Variants in F12 observed in about 807,000 individuals in gnomAD.
F12 encodes the protein coagulation factor XII.
Under a neutral mutation model 74.8 loss-of-function variants are expected in F12, and 70 were observed. That is an observed-to-expected ratio of 0.94 (90% CI 0.77 to 1.14). F12 has a LOEUF of 1.14. Among genes scored for constraint, F12 ranks in the 50% most tolerant of loss-of-function variants. F12 has a pLI of 0.00. For synonymous variants in F12, 373 were observed against 356.4 expected (o/e 1.05, Z -0.52); for missense variants, 811 against 835.7 (o/e 0.97, Z 0.36).
At position 177,407,844 on chromosome 5, in the gene F12, G is replaced by A. The variant is rs569294486; in HGVS notation, c.115+1202C>T. Among the ~76,000 whole-genome samples the A allele has an allele frequency of 2.0e-5, 3 of 152,144 alleles. No individual in the cohort carries two copies. In the South Asian group the frequency reaches 6.2e-4, roughly 32 times the overall value. On this transcript the variant is annotated intron_variant, in intron 2 of 13. Coordinates refer to ENST00000253496, the MANE Select transcript of F12 (RefSeq NM_000505.4). ...CAGAGAGGAGGGGGACCTTAGGCAG[G>A]GGATTAGGCAAGGATAGGGCACCAA...
rs1763239627 is a variant in F12 at position 177,404,645 on chromosome 5, A to G, written c.654T>C (p.Tyr218=). 3 of 1,606,536 alleles carry G rather than the reference A, an allele frequency of 1.9e-6. No individual in the cohort carries two copies. The highest frequency in any genetic ancestry group is 2.5e-6 in the Non-Finnish European group (3 of 1,179,802). Residue 218 remains tyrosine, a synonymous_variant, in exon 8 of 14, where the codon TAT becomes TAC. Coordinates refer to ENST00000253496, the MANE Select transcript of F12 (RefSeq NM_000505.4). ...CGCGGTAGCTGAGCCCGCGGCCATC[A>G]TAGCAGCTTGCCTTGGTGTCTGAGG... ...FCDVDTKASC[Y]DGRGLSYRGL...
In F12 at chr5:177,402,609, A is replaced by C. The variant is rs752613141; in HGVS notation, c.1621T>G (p.Ser541Ala). 6.2e-7 allele frequency: 1 copy of C among 1,613,172 alleles called. No individual in the cohort carries two copies. The highest frequency in any genetic ancestry group is 8.5e-7 in the Non-Finnish European group (1 of 1,179,966). Residue 541 changes from serine to alanine, a missense_variant, in exon 13 of 14, where the codon TCC (serine) becomes GCC (alanine). Physicochemically the swap from Ser to Ala is moderately conservative, Grantham distance 99. Transcript: ENST00000253496. Reference protein sequence around the residue: ...RCSAPDVHGSSILPGMLCAGF... With the variant: ...RCSAPDVHGSAILPGMLCAGF... ...GCGCAGAGCATGCCGGGGAGGATGG[A>C]GGATCCGTGCACGTCCGGGGCTGAG...
intron 12 of F12, 138 bp from the exon 13 acceptor site, chr5:177,402,836 C>T (rs2127358945): frequency 8.8e-6 from 11 of 1,246,120 alleles, no homozygotes; most frequent in Middle Eastern, 2.6e-4. Context: ...GAGGAGGTGC[C>T]ATTAATTCAA....
intron 6 of F12, 29 bp from the exon 7 acceptor site, chr5:177,404,943 CT>C: frequency 6.3e-7 from 1 of 1,588,114 alleles, no homozygotes; most frequent in Non-Finnish European, 8.5e-7. Context: ...TGAGCCACCC[CT>C]GGGCCTAAAG....
Position 177,405,224 on chromosome 5 carries a change from G to A in F12, c.398-39C>T, listed in dbSNP as rs776217044. ...GGGATAGTGGTCTCAGGAGAGTCTA[G>A]GACCATGCCAAGTCTCCGAGTATCC... On this transcript the variant is annotated intron_variant, in intron 5 of 13. Coordinates refer to ENST00000253496, the MANE Select transcript of F12 (RefSeq NM_000505.4). 29 of 1,613,308 alleles carry A rather than the reference G, an allele frequency of 1.8e-5. No homozygotes were observed. The South Asian group carries it at 2.7e-4, about 15-fold the overall frequency.
At chr5:177,406,214 C>T (rs558830363) in intron 2 of F12, among the ~76,000 whole-genome samples, 153 bp from the exon 3 acceptor site, 11 of 152,312 alleles carry the variant, frequency 7.2e-5, no homozygotes, top group African/African-American at 9.6e-5. Context: ...CAGGGCCGGG[C>T]GCGGTGGCTC....
intron 2 of F12, among the ~76,000 whole-genome samples, chr5:177,407,402 C>T (rs1043011406): frequency 6.6e-6 from 1 of 152,302 alleles, no homozygotes; most frequent in Admixed American, 6.5e-5. Flanking sequence ...AAGCTTTTGC[C>T]ACTATTTTGT....
intron 3 of F12, 76 bp from the exon 4 acceptor site, chr5:177,405,881 C>T (rs1246720800): frequency 1.2e-6 from 2 of 1,601,364 alleles, no homozygotes; most frequent in Non-Finnish European, 1.7e-6. Flanking sequence ...CCCCTCTCTC[C>T]AAGCAGAGTT....
In F12 at chr5:177,404,200, C is replaced by T; in HGVS notation, c.1014G>A (p.Pro338=). 3.1e-6 allele frequency: 5 copies of T among 1,603,172 alleles called. No individual in the cohort carries two copies. The highest frequency in any genetic ancestry group is 1.7e-5 in the Admixed American group (1 of 58,896). The change falls in exon 9 of 14, where the codon CCG becomes CCA. Residue 338 remains proline (P), a synonymous_variant. Coordinates refer to ENST00000253496, the MANE Select transcript of F12 (RefSeq NM_000505.4). ...TTRTPPQSQT[P]GALPAKREQP... ...TTCCCCCCCCCACTTCCTAACCTCCCGGGGTCTGGGACTGAGGCGGGGTCC... is the reference window on the plus strand; with the variant it reads ...TTCCCCCCCCCACTTCCTAACCTCCTGGGGTCTGGGACTGAGGCGGGGTCC...
At chr5:177,402,874 G>A (rs890551577) in intron 12 of F12, 176 bp from the exon 13 acceptor site, 2 of 912,052 alleles carry the variant, frequency 2.2e-6, no homozygotes, top group Non-Finnish European at 3.4e-6. Context: ...CTGAGGTCCA[G>A]AGAAAAGCCA....
At chr5:177,408,373 G>A (rs773440378) in intron 2 of F12, among the ~76,000 whole-genome samples, 5 of 152,148 alleles carry the variant, frequency 3.3e-5, no homozygotes, top group South Asian at 2.1e-4. Flanking sequence ...TTTAGTGTCT[G>A]GAAGAATGAA....
At chr5:177,409,205 A>G in intron 1 of F12, 102 bp from the exon 2 acceptor site, 1 of 1,297,446 alleles carries the variant, frequency 7.7e-7, no homozygotes, top group South Asian at 1.3e-5. Context: ...AAATGCAGAG[A>G]TTTCTTCCCA....
chr5:177,405,141 C>A lies in F12; in HGVS notation c.442G>T (p.Glu148Ter), dbSNP rs761290517. The A allele has an allele frequency of 2.5e-5, 40 of 1,613,972 alleles. No individual in the cohort carries two copies. The highest frequency in any genetic ancestry group is 3.3e-5 in the Non-Finnish European group (39 of 1,180,030). Residue 148 changes from glutamate to a stop codon, truncating the protein, a stop_gained, in exon 6 of 14, where the codon GAG (glutamate) becomes TAG (stop). Coordinates refer to ENST00000253496, the MANE Select transcript of F12 (RefSeq NM_000505.4). LOFTEE classifies it high-confidence loss of function. ...PQLLRFFHKN[E>*]IWYRTEQAAV... is the part of the protein sequence containing the mutation. ...GCTTGCTCAGTTCTATACCATATCT[C>A]ATTCTTGTGGAAAAACCGGAGAAGC... is the stretch of plus-strand genomic sequence containing the variant.
At chr5:177,409,166 C>T in intron 1 of F12, 63 bp from the exon 2 acceptor site, 1 of 1,493,104 alleles carries the variant, frequency 6.7e-7, no homozygotes, top group Non-Finnish European at 9.1e-7. Flanking sequence ...CGATCTGTTG[C>T]TAGTCTGCAG....
At chr5:177,404,133 C>T (rs1381346833) in intron 9 of F12, 43 bp from the exon 10 acceptor site, 1 of 1,587,974 alleles carries the variant, frequency 6.3e-7, no homozygotes, top group Admixed American at 1.8e-5. Flanking sequence ...CCGCGGCCGG[C>T]TGGCCGGAAT....
Position 177,404,338 on chromosome 5 carries a change from C to G in F12, c.876G>C (p.Leu292=). 6.2e-7 allele frequency: 1 copy of G among 1,610,940 alleles called. No homozygotes were observed. The highest frequency in any genetic ancestry group is 8.5e-7 in the Non-Finnish European group (1 of 1,179,058). ...RDRLSWEYCD[L]AQCQTPTQAA... Reference sequence around the variant, plus strand: ...CCTGGGTTGGGGTCTGGCACTGTGCCAGGTCGCAGTACTCCCAGCTCAGCC... The same window carrying G: ...CCTGGGTTGGGGTCTGGCACTGTGCGAGGTCGCAGTACTCCCAGCTCAGCC... The change falls in exon 9 of 14, where the codon CTG becomes CTC. Residue 292 remains leucine (L), a synonymous_variant. Transcript: ENST00000253496.
chr5:177,402,846 A>C (rs1763173812), intron 12 of F12, 148 bp from the exon 13 acceptor site: 3 of 1,151,566 alleles, frequency 2.6e-6, no homozygotes, highest in South Asian at 2.7e-5. Context: ...CATTAATTCA[A>C]TTTCATAGGC....
Position 177,404,863 on chromosome 5 carries a change from C to T in F12, c.581G>A (p.Gly194Asp). Residue 194 changes from glycine to aspartate, a missense_variant, in exon 7 of 14, where the codon GGC becomes GAC. By Grantham distance (94) the Gly-to-Asp change is moderately conservative. Transcript: ENST00000253496. ...CACCGGGCAGTGGCACAGGCGGTGG[C>T]CCTCCACCTCTAGGCAGCGACCCCC... ...LHGGRCLEVE[G>D]HRLCHCPVGY... 1 of 1,609,592 alleles carries T rather than the reference C, an allele frequency of 6.2e-7. No individual in the cohort carries two copies. The highest frequency in any genetic ancestry group is 1.1e-5 in the South Asian group (1 of 90,720).
rs1442099745 is a variant in F12, at chr5:177,404,551, C to A, written c.748G>T (p.Val250Leu). ...CAGTTCCGCGCTTGCTCGGCAGTCACGTTCCGGTAGGTGGCCTCCGAGGCC... is the reference window on the plus strand; with the variant it reads ...CAGTTCCGCGCTTGCTCGGCAGTCAAGTTCCGGTAGGTGGCCTCCGAGGCC... ...PWASEATYRN[V>L]TAEQARNWGL... The change falls in exon 8 of 14, where the codon GTG (valine) becomes TTG (leucine). Residue 250 changes from valine (V) to leucine (L), a missense_variant. Val to Leu is a conservative substitution (Grantham distance 32). Transcript: ENST00000253496. The A allele has an allele frequency of 6.2e-7, 1 of 1,605,084 alleles. No individual in the cohort carries two copies. The highest frequency in any genetic ancestry group is 8.5e-7 in the Non-Finnish European group (1 of 1,176,920).
Sources: allele counts gnomAD v4.1 joint callset (sites outside exome capture counted in the v4.1 genomes callset), GRCh38; gene constraint gnomAD v4.1.1; transcripts MANE v1.5; gene names NCBI Gene and HGNC (gene_info 2026-07-23, HGNC 2026-07-21).